FBXL13: variants seen among roughly 807,000 people sequenced by gnomAD.
FBXL13 encodes F-box and leucine-rich repeat protein 13.
Under a neutral mutation model 83.6 loss-of-function variants are expected in FBXL13, and 67 were observed. The ratio of observed to expected loss-of-function variants is 0.80; its 90% CI spans 0.66 to 0.98. FBXL13 has a LOEUF of 0.98. Ranked by LOEUF, FBXL13 falls within the 50% of genes least tolerant of loss-of-function variation. The pLI is 0.00. For synonymous variants in FBXL13, 272 were observed against 299.5 expected (o/e 0.91, Z 0.95); for missense variants, 822 against 866.5 (o/e 0.95, Z 0.64).
At chr7:103,035,253 C>T (rs1585476312) in intron 2 of FBXL13, among the ~76,000 whole-genome samples, 1 of 152,268 alleles carries the variant, frequency 6.6e-6, no homozygotes, top group South Asian at 2.1e-4. Flanking sequence ...TTCAGATGGC[C>T]TCACAGGTTC....
chr7:102,823,441 G>A (rs1330541830), intron 18 of FBXL13, among the ~76,000 whole-genome samples: 2 of 152,136 alleles, frequency 1.3e-5, no homozygotes, highest in Non-Finnish European at 2.9e-5. Context: ...ACAGATGTTT[G>A]GAAGCAAGGG....
rs13245825 is a variant in FBXL13 at position 102,974,251 on chromosome 7, A to C, written c.496-6134T>G. ...TAAAAATACAAAAAATTAGCCGGGC[A>C]TGGTGGCAGGCACCTGTAGTCCCAG... On this transcript the variant is annotated intron_variant, in intron 6 of 19. Transcript: ENST00000313221. 3.2e-3 allele frequency among the ~76,000 whole-genome samples: 485 copies of C among 151,810 alleles called. 2 individuals carry two copies. Among genetic ancestry groups the C allele is most frequent in the Non-Finnish European group, 5.9e-3 (402 of 67,898 alleles).
intron 16 of FBXL13, among the ~76,000 whole-genome samples, chr7:102,873,424 T>C (rs1352274269): frequency 6.6e-6 from 1 of 152,214 alleles, no homozygotes; most frequent in Non-Finnish European, 1.5e-5. Context: ...AGTTGAGCTC[T>C]ATCTCATTGT....
intron 2 of FBXL13, chr7:103,049,992 G>A (rs796888302): frequency 2.6e-5 from 4 of 152,330 alleles, no homozygotes; most frequent in African/African-American, 9.6e-5. Flanking sequence ...TAGCCACGTG[G>A]CTACAAGGTC....
chr7:102,973,035 C>G (rs186814643), intron 6 of FBXL13: 134 of 157,446 alleles, frequency 8.5e-4, no homozygotes, highest in Non-Finnish European at 1.5e-3. Context: ...CACCACCTCA[C>G]ATAATTATCA....
At chr7:103,050,186 C>G (rs369617644) in intron 2 of FBXL13, 17 of 152,234 alleles carry the variant, frequency 1.1e-4, no homozygotes, top group South Asian at 4.1e-4. Context: ...TTGTATCAAT[C>G]AAAACTTTAC....
chr7:103,059,007 C>T (rs530952215), intron 1 of FBXL13, among the ~76,000 whole-genome samples: 1 of 152,296 alleles, frequency 6.6e-6, no homozygotes, highest in South Asian at 2.1e-4. Context: ...TGCCTATAAT[C>T]CCACCACTTT....
intron 17 of FBXL13, among the ~76,000 whole-genome samples, chr7:102,834,081 G>GAAGGAAGGAAGGA (rs1801273815): frequency 1.8e-4 from 15 of 84,982 alleles, no homozygotes; most frequent in East Asian, 1.4e-3. Context: ...AGGAAGGAAG[G>GAAGGAAGGAAGGA]AAAGAAAAGA....
At chr7:102,823,558 C>CAAGTAT (rs1364475771) in intron 18 of FBXL13, among the ~76,000 whole-genome samples, 1 of 152,174 alleles carries the variant, frequency 6.6e-6, no homozygotes, top group African/African-American at 2.4e-5. Context: ...AGAGGTAATT[C>CAAGTAT]AAGTATACTA....
intron 2 of FBXL13, among the ~76,000 whole-genome samples, chr7:103,033,870 G>T (rs1360211880): frequency 6.6e-6 from 1 of 152,194 alleles, no homozygotes; most frequent in Non-Finnish European, 1.5e-5. Flanking sequence ...GAGCCAAGTG[G>T]TCTGTTTTGA....
Position 103,027,707 on chromosome 7 carries a change from C to G in FBXL13, c.218-149G>C, listed in dbSNP as rs934845825. The G allele has an allele frequency of 2.0e-5, 10 of 491,394 alleles. 1 individual carries two copies. The South Asian group carries it at 3.8e-4, about 19-fold the overall frequency. 30.4% of individuals were successfully genotyped at this position (491,394 alleles called of 1,614,324 possible). ...TCTTATTTACACTTGAAATTAATTA[C>G]TTTTGATAGCATTAGTACTCTCAAG... On this transcript the variant is annotated intron_variant, in intron 4 of 19. Coordinates refer to ENST00000313221, the Ensembl canonical transcript of FBXL13.
chr7:102,994,553 A>C (rs1829901179), intron 6 of FBXL13, among the ~76,000 whole-genome samples: 1 of 152,242 alleles, frequency 6.6e-6, no homozygotes, highest in Non-Finnish European at 1.5e-5. Flanking sequence ...AATTTCGAGA[A>C]GAGAGACTTT....
intron 19 of FBXL13, among the ~76,000 whole-genome samples, chr7:102,817,849 C>T (rs17136074): frequency 0.041 from 6,272 of 152,130 alleles, 326 homozygotes; most frequent in East Asian, 0.16. Context: ...TGTGAGACCC[C>T]GTATGAAATG....
rs138694163 is a variant in FBXL13 at position 102,926,398 on chromosome 7, G to T, written c.778-24C>A. 1,081 of 1,574,438 alleles carry T rather than the reference G, an allele frequency of 6.9e-4. 7 individuals carry two copies. In the African/African-American group the frequency reaches 0.014, roughly 20 times the overall value. ...TCCTGCATGAAAAACAGAGGGAAGA[G>T]GCTTATCAAATTATAGCAGGCTTTG... On this transcript the variant is annotated intron_variant, in intron 9 of 19. Coordinates refer to ENST00000313221, the Ensembl canonical transcript of FBXL13.
intron 11 of FBXL13, among the ~76,000 whole-genome samples, chr7:102,887,350 G>C (rs1225255090): frequency 6.6e-6 from 1 of 151,972 alleles, no homozygotes; most frequent in Non-Finnish European, 1.5e-5. Flanking sequence ...AAGTATATCA[G>C]TCAGGGTTCT....
chr7:103,013,854 T>G (rs1339239593), intron 6 of FBXL13, among the ~76,000 whole-genome samples: 1 of 152,076 alleles, frequency 6.6e-6, no homozygotes, highest in African/African-American at 2.4e-5. Context: ...AGGAGCTTTT[T>G]CTTTGAAAGA....
chr7:102,934,529 A>AGGT, intron 8 of FBXL13: 2 of 1,597,050 alleles, frequency 1.3e-6, no homozygotes, highest in Non-Finnish European at 1.7e-6. Context: ...ACTGCGGCAG[A>AGGT]TAAAATCTGA....
chr7:102,948,566 G>A (rs1263701214), intron 8 of FBXL13, among the ~76,000 whole-genome samples: 2 of 151,980 alleles, frequency 1.3e-5, no homozygotes, highest in Non-Finnish European at 2.9e-5. Context: ...TAGGACTACA[G>A]GTGCCCGCCA....
chr7:103,074,393 T>C, exon 1 of FBXL13: 2 of 1,080,922 alleles, frequency 1.9e-6, no homozygotes, highest in Non-Finnish European at 2.3e-6. Flanking sequence ...GTACTTCTTG[T>C]CCAAACCTTA....
Sources: allele counts gnomAD v4.1 joint callset (sites outside exome capture counted in the v4.1 genomes callset), GRCh38; gene constraint gnomAD v4.1.1; transcripts MANE v1.5; gene names NCBI Gene and HGNC (gene_info 2026-07-23, HGNC 2026-07-21).